AMOTL1: variants seen among roughly 807,000 people sequenced by gnomAD.
AMOTL1 encodes angiomotin like 1, also known as angiomotin-like protein 1.
In AMOTL1, 45 loss-of-function variants were observed where a neutral mutation model predicts 102.9. The ratio of observed to expected loss-of-function variants is 0.44; its 90% CI spans 0.34 to 0.56. The LOEUF is 0.56. AMOTL1 is among the 20% of genes least tolerant of loss of function. The pLI, the probability that AMOTL1 is intolerant of heterozygous loss-of-function variation, is 0.01. For missense variants in AMOTL1, 1,114 were observed against 1,225.6 expected (o/e 0.91, Z 1.36); for synonymous variants, 481 against 484.7 (o/e 0.99, Z 0.10).
chr11:94,864,849 C>T lies in AMOTL1; in HGVS notation c.2250C>T (p.Asp750=). The T allele has an allele frequency of 6.2e-7, 1 of 1,613,432 alleles. No individual in the cohort carries two copies. The highest frequency in any genetic ancestry group is 8.5e-7 in the Non-Finnish European group (1 of 1,179,578). Residue 750 remains aspartate, a synonymous_variant, in exon 10 of 13, where the codon GAC becomes GAT. Transcript: ENST00000433060. ...TGCAGGCCAACAGAAGGTGTCAGGA[C>T]ATGGAATACACGTAAGGGACGACTA... The part of the protein sequence containing the change: ...EVVQANRRCQ[D]MEYTIKNLHA...
Position 94,842,598 on chromosome 11 carries a change from T to G in AMOTL1, c.1649-7516T>G, listed in dbSNP as rs188941926. On this transcript the variant is annotated intron_variant, in intron 6 of 12. Transcript: ENST00000433060. The stretch of plus-strand genomic sequence containing the variant: ...TTAGGCTTTACCTCATTTTCCCATA[T>G]TATCCATCTCTCCAGAAGATTTCTT... 1.4e-3 allele frequency among the ~76,000 whole-genome samples: 207 copies of G among 152,362 alleles called. 1 individual carries two copies. Among genetic ancestry groups the G allele is most frequent in the African/African-American group, 4.7e-3 (195 of 41,588 alleles).
intron 6 of AMOTL1, 147 bp downstream of exon 6, chr11:94,831,688 C>A: frequency 1.5e-6 from 1 of 672,724 alleles, no homozygotes; most frequent in South Asian, 1.9e-5. Flanking sequence ...TCAGATGAGG[C>A]CCTCCTAGGT....
At chr11:94,762,844 G>T (rs1950810714) in intron 3 of AMOTL1, among the ~76,000 whole-genome samples, 1 of 152,142 alleles carries the variant, frequency 6.6e-6, no homozygotes, top group Admixed American at 6.6e-5. Flanking sequence ...TATGCTTACA[G>T]GAGAAAGCAG....
intron 1 of AMOTL1, among the ~76,000 whole-genome samples, chr11:94,718,773 A>C (rs950323215): frequency 6.6e-5 from 10 of 152,012 alleles, no homozygotes; most frequent in Admixed American, 2.6e-4. Context: ...ATATATAGAA[A>C]CATTTTTCAA....
At chr11:94,868,780 A>C (rs1455727765) in intron 11 of AMOTL1, among the ~76,000 whole-genome samples, 1 of 152,184 alleles carries the variant, frequency 6.6e-6, no homozygotes, top group Non-Finnish European at 1.5e-5. Context: ...CGTTGGTAAC[A>C]GCAAGCATGG....
intron 6 of AMOTL1, among the ~76,000 whole-genome samples, chr11:94,844,214 C>T (rs1430347123): frequency 6.6e-6 from 1 of 152,188 alleles, no homozygotes; most frequent in Non-Finnish European, 1.5e-5. Flanking sequence ...ACCTGACTCT[C>T]CAGAAGCAGG....
At chr11:94,722,045 C>T (rs139208277) in intron 1 of AMOTL1, among the ~76,000 whole-genome samples, 46 of 152,254 alleles carry the variant, frequency 3.0e-4, no homozygotes, top group African/African-American at 1.1e-3. Context: ...CATAGCAACA[C>T]TTAATCCTCT....
At chr11:94,764,292 G>A (rs531540223), upstream of AMOTL1, among the ~76,000 whole-genome samples, 9 of 152,344 alleles carry the variant, frequency 5.9e-5, no homozygotes, top group African/African-American at 1.9e-4. Flanking sequence ...AAACCTCAAT[G>A]TGCTAGGAGT....
chr11:94,869,116 A>G, intron 11 of AMOTL1, 82 bp from the exon 12 acceptor site: 1 of 1,418,898 alleles, frequency 7.0e-7, no homozygotes, highest in South Asian at 1.5e-5. Context: ...TCATCAATCA[A>G]CAAGGAACAG....
intron 1 of AMOTL1, among the ~76,000 whole-genome samples, chr11:94,708,036 G>A (rs1949958640): frequency 6.6e-6 from 1 of 152,108 alleles, no homozygotes; most frequent in Admixed American, 6.5e-5. Context: ...TCACTAGTCT[G>A]TTGAGTCAGT....
intron 1 of AMOTL1, among the ~76,000 whole-genome samples, chr11:94,713,134 T>C (rs1950044397): frequency 6.6e-6 from 1 of 151,880 alleles, no homozygotes; most frequent in African/African-American, 2.4e-5. Context: ...TTTGGATTGG[T>C]TTTTCAGCTT....
Position 94,873,408 on chromosome 11 carries a change from C to G in AMOTL1, c.*2613C>G, listed in dbSNP as rs996830813. The G allele has an allele frequency of 2.6e-5, 4 of 152,184 alleles. No homozygotes were observed. The highest frequency in any genetic ancestry group is 1.3e-4 in the Admixed American group (2 of 15,280). The allele number at this position is 152,184 out of a possible 1,614,324, so 9.4% of individuals were successfully genotyped here. On this transcript the variant is annotated 3_prime_UTR_variant, in exon 13 of 13. Coordinates refer to ENST00000433060, the MANE Select transcript of AMOTL1 (RefSeq NM_130847.3). ...CATTAGAGCTTTCCTGAAGTCCGGCCATATACTGAGTACCTGCTCTGAGTT... is the reference window on the plus strand; with the variant it reads ...CATTAGAGCTTTCCTGAAGTCCGGCGATATACTGAGTACCTGCTCTGAGTT...
At chr11:94,724,271 C>T (rs1799971953) in intron 1 of AMOTL1, among the ~76,000 whole-genome samples, 1 of 152,174 alleles carries the variant, frequency 6.6e-6, no homozygotes, top group Non-Finnish European at 1.5e-5. Context: ...GAGAGCATCT[C>T]TCCTTCAAGC....
chr11:94,862,221 G>T (rs752112928), intron 9 of AMOTL1, among the ~76,000 whole-genome samples: 18 of 152,190 alleles, frequency 1.2e-4, no homozygotes, highest in Non-Finnish European at 2.1e-4. Context: ...AATAGGTTCA[G>T]AGAACCTCAG....
intron 6 of AMOTL1, among the ~76,000 whole-genome samples, chr11:94,845,422 C>A (rs911236215): frequency 2.0e-5 from 3 of 152,154 alleles, no homozygotes; most frequent in African/African-American, 7.2e-5. Flanking sequence ...GTTTTCTATT[C>A]GTCAAATGGG....
In AMOTL1 at chr11:94,821,726, C is replaced by A; in HGVS notation, c.1318C>A (p.Arg440=). 1 of 1,614,006 alleles carries A rather than the reference C, an allele frequency of 6.2e-7. No homozygotes were observed. Among genetic ancestry groups the A allele is most frequent in the Non-Finnish European group, 8.5e-7 (1 of 1,179,900 alleles). The change falls in exon 4 of 13, where the codon CGA becomes AGA. Residue 440 remains arginine, a synonymous_variant. Transcript: ENST00000433060. ...TCCAGATGCCTTTGCGATTGTGGAGCGAGCCCAGCAAATGGTGGAGATATT... is the reference window on the plus strand; with the variant it reads ...TCCAGATGCCTTTGCGATTGTGGAGAGAGCCCAGCAAATGGTGGAGATATT... The part of the protein sequence containing the change: ...LGPDAFAIVE[R]AQQMVEILTE...
At position 94,850,184 on chromosome 11, in the gene AMOTL1, C is replaced by CTG; in HGVS notation, c.1719_1720insTG (p.His574CysfsTer13). ...CAGCAGTGCGGACTGCAAGTGAGGA[C>CTG]CATCGGAGACACATCGAGATCCTGG... is the stretch of plus-strand genomic sequence containing the variant. On this transcript the variant is annotated frameshift_variant, in exon 7 of 13. Transcript: ENST00000433060. LOFTEE classifies it high-confidence loss of function. The CTG allele has an allele frequency of 6.3e-7, 1 of 1,593,052 alleles. No homozygotes were observed. The highest frequency in any genetic ancestry group is 8.6e-7 in the Non-Finnish European group (1 of 1,169,444).
intron 3 of AMOTL1, among the ~76,000 whole-genome samples, chr11:94,756,993 AT>A (rs57318412): frequency 0.84 from 120,499 of 143,628 alleles, 52,424 homozygotes; most frequent in Non-Finnish European, 0.98. Flanking sequence ...AACCTAGCCC[AT>A]TTTTTTTTTT....
rs774374417 is a variant in AMOTL1, at chr11:94,859,522, C to G, written c.1945-3C>G. ...CATCAAGATTTTTTTTCTACTCCTT[C>G]AGAAACATGGAAATGGCCAGCCAGC... On this transcript the variant is annotated splice_region_variant and splice_polypyrimidine_tract_variant and intron_variant, in intron 8 of 12. Transcript: ENST00000433060. The G allele has an allele frequency of 1.2e-6, 2 of 1,609,504 alleles. No homozygotes were observed. The highest frequency in any genetic ancestry group is 1.7e-6 in the Non-Finnish European group (2 of 1,177,420).
Sources: gnomAD v4.1 joint callset for allele counts (sites outside exome capture counted in the v4.1 genomes callset) on GRCh38, gnomAD v4.1.1 for gene constraint, MANE v1.5 for transcripts, NCBI Gene and HGNC (gene_info 2026-07-23, HGNC 2026-07-21) for gene names.